GRK6: variants seen among roughly 807,000 people sequenced by gnomAD.
GRK6 encodes the protein G protein-coupled receptor kinase 6.
A neutral mutation model predicts 80.8 loss-of-function variants in GRK6; 37 were observed. That is an observed-to-expected ratio of 0.46 (90% CI 0.35 to 0.60). The LOEUF (loss-of-function observed/expected upper bound fraction) is 0.60, where lower values mean the gene tolerates loss of function less well. GRK6 is among the 20% of genes least tolerant of loss of function. GRK6 has a pLI of 0.00. For synonymous variants in GRK6, 295 were observed against 320.9 expected (o/e 0.92, Z 0.86); for missense variants, 560 against 784.6 (o/e 0.71, Z 3.42).
At chr5:177,436,947 CCTTT>C (rs1764189325) in intron 13 of GRK6, among the ~76,000 whole-genome samples, 1 of 151,624 alleles carries the variant, frequency 6.6e-6, no homozygotes, top group Non-Finnish European at 1.5e-5. Flanking sequence ...TCCTTTCTTT[CCTTT>C]CTTCCTTTTC....
chr5:177,433,307 C>T, intron 6 of GRK6, 40 bp from the exon 7 acceptor site: 1 of 1,613,888 alleles, frequency 6.2e-7, no homozygotes, highest in East Asian at 2.2e-5. Flanking sequence ...CTTGGGCTCT[C>T]CTGCTCAGCC....
chr5:177,430,595 G>C (rs1320975732), intron 1 of GRK6: 1 of 473,816 alleles, frequency 2.1e-6, no homozygotes, highest in East Asian at 4.0e-5. Context: ...AAGCAACTGG[G>C]GCTGGACCCA....
rs1332884571 is a variant in GRK6 at position 177,442,297 on chromosome 5, G to A, written c.*507G>A. 5.9e-6 allele frequency: 1 copy of A among 170,220 alleles called. No homozygotes were observed. Among genetic ancestry groups the A allele is most frequent in the Non-Finnish European group, 1.3e-5 (1 of 79,004 alleles). The allele number at this position is 170,220 out of a possible 1,614,324, so 10.5% of individuals were successfully genotyped here. On this transcript the variant is annotated 3_prime_UTR_variant, in exon 16 of 16. Coordinates refer to ENST00000355472, the MANE Select transcript of GRK6 (RefSeq NM_001004106.3). ...GCCTCCCCCTGCTGCCCTGGGCTCA[G>A]GCTGCTACCCTCTGGGGCCCAAAGC... is the stretch of plus-strand genomic sequence containing the variant.
In GRK6 at chr5:177,428,626, T is replaced by A. The variant is rs2545798; in HGVS notation, c.52+1729T>A. 0.48 allele frequency among the ~76,000 whole-genome samples: 73,047 copies of A among 152,022 alleles called. 17,945 individuals are homozygous for A. Among genetic ancestry groups the A allele is most frequent in the Middle Eastern group, 0.52 (152 of 292 alleles). ...ACAGATGGGTTTCACCATGTTGGCC[T>A]GGCTGGTCTTGAACTCCTGACCTCA... On this transcript the variant is annotated intron_variant, in intron 1 of 15. Transcript: ENST00000355472. This position sits in a 1 kb window ranked among gnomAD's most constrained non-coding sequence, Gnocchi z 4.1.
chr5:177,431,529 G>T (rs1285645461), intron 2 of GRK6, among the ~76,000 whole-genome samples: 1 of 152,246 alleles, frequency 6.6e-6, no homozygotes, highest in African/African-American at 2.4e-5. Flanking sequence ...CTGCACGTGC[G>T]CAGAGCACAC....
chr5:177,436,246 C>A lies in GRK6; in HGVS notation c.1231C>A (p.Arg411Ser), dbSNP rs146135301. ...GGAGGTCCCCGAGGAGTATTCCGAG[C>A]GCTTTTCCCCGCAGGCCCGCTCACT... is the stretch of plus-strand genomic sequence containing the variant. The part of the protein sequence containing the change: ...VKEVPEEYSE[R>S]FSPQARSLCS... Residue 411 changes from arginine (R) to serine (S), a missense_variant, in exon 12 of 16, where the codon CGC becomes AGC. Physicochemically the swap from Arg to Ser is moderately radical, Grantham distance 110. Around this residue, in one of 3 missense-constraint regions of GRK6, gnomAD observed 294 missense variants for 397.4 expected, o/e 0.74. Transcript: ENST00000355472. 1.2e-6 allele frequency: 2 copies of A among 1,614,124 alleles called. No individual in the cohort carries two copies. The highest frequency in any genetic ancestry group is 3.3e-5 in the Admixed American group (2 of 60,024).
At position 177,432,215 on chromosome 5, in the gene GRK6, T is replaced by A. The variant is rs201306981; in HGVS notation, c.262-18T>A. 98 of 1,613,738 alleles carry A rather than the reference T, an allele frequency of 6.1e-5. No individual in the cohort carries two copies. The highest frequency in any genetic ancestry group is 8.1e-5 in the Non-Finnish European group (96 of 1,179,946). On this transcript the variant is annotated intron_variant, in intron 3 of 15. Coordinates refer to ENST00000355472, the MANE Select transcript of GRK6 (RefSeq NM_001004106.3). ...TGCCCTGCCCAGACCTCCAGCTTCT[T>A]TGCTTTCCACCCTGCAGGCCGAGTA... is the stretch of plus-strand genomic sequence containing the variant.
chr5:177,435,338 A>G (rs1292659949), intron 11 of GRK6, among the ~76,000 whole-genome samples: 1 of 152,172 alleles, frequency 6.6e-6, no homozygotes, highest in Non-Finnish European at 1.5e-5. Context: ...TACTTATTAA[A>G]CCCTGCTATG....
chr5:177,435,139 G>A lies in GRK6; in HGVS notation c.1057+18G>A, dbSNP rs768638203. 2.3e-5 allele frequency: 36 copies of A among 1,567,828 alleles called. No homozygotes were observed. The highest frequency in any genetic ancestry group is 2.3e-4 in the Middle Eastern group (1 of 4,304). On this transcript the variant is annotated intron_variant, in intron 11 of 15. Coordinates refer to ENST00000355472, the MANE Select transcript of GRK6 (RefSeq NM_001004106.3). The stretch of plus-strand genomic sequence containing the variant: ...TTACATGGGTGAGTCTTCTCTGCCC[G>A]GCCCACTAGCCTCCTGGGTTCCCTC...
chr5:177,434,546 C>T (rs1035114530), intron 9 of GRK6, among the ~76,000 whole-genome samples: 1 of 152,214 alleles, frequency 6.6e-6, no homozygotes, highest in East Asian at 1.9e-4. Context: ...TCCTGTGAAC[C>T]TCACAACAGC....
chr5:177,429,097 CTG>C lies in GRK6; in HGVS notation c.53-1774_53-1773del, dbSNP rs1285073278. On this transcript the variant is annotated intron_variant, in intron 1 of 15. Transcript: ENST00000355472. This position sits in a 1 kb window ranked among gnomAD's most constrained non-coding sequence, Gnocchi z 4.3. ...TGGGCTTGGTCATCTTGGGTATACTCTGGGCTTGGTCATCTTGGGTGAATTGA... is the reference window on the plus strand; with the variant it reads ...TGGGCTTGGTCATCTTGGGTATACTCGGCTTGGTCATCTTGGGTGAATTGA... Among the ~76,000 whole-genome samples, 2 of 152,142 alleles carry C rather than the reference CTG, an allele frequency of 1.3e-5. No homozygotes were observed. The highest frequency in any genetic ancestry group is 4.8e-5 in the African/African-American group (2 of 41,442).
In GRK6 at chr5:177,441,069, G is replaced by C. The variant is rs746120740; in HGVS notation, c.1677+16G>C. The C allele has an allele frequency of 6.2e-7, 1 of 1,611,950 alleles. No individual in the cohort carries two copies. The highest frequency in any genetic ancestry group is 2.2e-5 in the East Asian group (1 of 44,808). ...CAGTCGCCAAGTAAGCCCCAGCAGCGGCCTACCTGGGCCCCTAACCTGGCT... is the reference window on the plus strand; with the variant it reads ...CAGTCGCCAAGTAAGCCCCAGCAGCCGCCTACCTGGGCCCCTAACCTGGCT... On this transcript the variant is annotated intron_variant, in intron 15 of 15. Transcript: ENST00000355472.
At chr5:177,432,862 G>A (rs1019595256) in intron 5 of GRK6, 56 bp downstream of exon 5, 2 of 1,375,528 alleles carry the variant, frequency 1.5e-6, no homozygotes, top group South Asian at 1.2e-5. Flanking sequence ...GGGGCTTCTG[G>A]GGGCCAGGAA....
chr5:177,441,019 A>T lies in GRK6; in HGVS notation c.1643A>T (p.Lys548Ile). The change falls in exon 15 of 16, where the codon AAA (lysine) becomes ATA (isoleucine). Residue 548 changes from lysine to isoleucine, a missense_variant. By Grantham distance (102) the Lys-to-Ile change is moderately radical (BLOSUM62 -3). This residue lies in a region of GRK6 where 294 missense variants were observed against 397.4 expected (regional missense o/e 0.74). Coordinates refer to ENST00000355472, the MANE Select transcript of GRK6 (RefSeq NM_001004106.3). ...DWKGQPPAPP[K>I]KGLLQRLFSR... ...AAGGGCCAGCCACCTGCACCTCCTA[A>T]AAAGGGACTGCTGCAGAGACTCTTC... is the stretch of plus-strand genomic sequence containing the variant. 1 of 1,613,972 alleles carries T rather than the reference A, an allele frequency of 6.2e-7. No individual in the cohort carries two copies.
intron 13 of GRK6, chr5:177,438,897 G>A (rs1764313664): frequency 6.6e-6 from 1 of 152,218 alleles, no homozygotes; most frequent in Non-Finnish European, 1.5e-5. Context: ...CAGGTCATAT[G>A]GTAACTATGT....
At chr5:177,439,500 A>G (rs536447156) in intron 13 of GRK6, among the ~76,000 whole-genome samples, 1 of 151,168 alleles carries the variant, frequency 6.6e-6, no homozygotes, top group African/African-American at 2.4e-5. Context: ...AGATCACACC[A>G]TTGCACTCCA....
chr5:177,439,541 CAA>C (rs57996388), intron 13 of GRK6, among the ~76,000 whole-genome samples: 27 of 67,392 alleles, frequency 4.0e-4, no homozygotes, highest in Admixed American at 3.5e-4. Flanking sequence ...ACTCCCATCT[CAA>C]AAAAAAAAAA....
chr5:177,427,324 G>A (rs1001402442), intron 1 of GRK6, among the ~76,000 whole-genome samples: 1 of 152,210 alleles, frequency 6.6e-6, no homozygotes, highest in South Asian at 2.1e-4. Context: ...TGAATAAACG[G>A]ACCCTCTGCG....
intron 3 of GRK6, 34 bp downstream of exon 3, chr5:177,432,141 G>T: frequency 6.2e-7 from 1 of 1,607,592 alleles, no homozygotes; most frequent in Non-Finnish European, 8.5e-7. Context: ...AGCCCCGCGG[G>T]TGGCCGAGGT....
Sources: allele counts gnomAD v4.1 joint callset (sites outside exome capture counted in the v4.1 genomes callset), GRCh38; gene constraint gnomAD v4.1.1; regional missense constraint gnomAD v4.1.1; non-coding constraint Gnocchi (gnomAD v3.1); transcripts MANE v1.5; gene names NCBI Gene and HGNC (gene_info 2026-07-23, HGNC 2026-07-21).